Variants in PIK3CA observed in about 807,000 individuals in gnomAD.
The protein encoded by PIK3CA is phosphatidylinositol-4,5-bisphosphate 3-kinase catalytic subunit alpha.
PIK3CA carries 27 observed loss-of-function variants against 138.2 expected under a neutral mutation model. The ratio of observed to expected loss-of-function variants is 0.20; its 90% CI spans 0.14 to 0.27. The LOEUF (loss-of-function observed/expected upper bound fraction) is 0.27, where lower values mean the gene tolerates loss of function less well. Among genes scored for constraint, PIK3CA ranks in the 10% least tolerant of loss-of-function variants. The pLI is 1.00. For synonymous variants in PIK3CA, 358 were observed against 413.2 expected, an observed-to-expected ratio of 0.87 and a Z score of 1.62; for missense variants, 544 against 1,277.4, an observed-to-expected ratio of 0.43 and a Z score of 8.75.
intron 1 of PIK3CA, among the ~76,000 whole-genome samples, chr3:179,186,376 C>T (rs971655158): frequency 6.6e-6 from 1 of 152,124 alleles, no homozygotes; most frequent in South Asian, 2.1e-4. Flanking sequence ...CAGCCAAGTC[C>T]AGAATGGTGT....
At position 179,157,527 on chromosome 3, in the gene PIK3CA, C is replaced by T. The variant is rs567363927; in HGVS notation, c.-77+8924C>T. ...TTCAAAATCATTTTGAGTAAATCTA[C>T]CAGTGTATAACTGCTAAAGCACAGT... On this transcript the variant is annotated intron_variant, in intron 1 of 20. Transcript: ENST00000263967. Among the ~76,000 whole-genome samples, 6 of 152,140 alleles carry T rather than the reference C, an allele frequency of 3.9e-5. No homozygotes were observed. The East Asian group carries it at 1.2e-3, about 29-fold the overall frequency.
chr3:179,161,317 T>TA (rs1723274286), intron 1 of PIK3CA, among the ~76,000 whole-genome samples: 1 of 152,254 alleles, frequency 6.6e-6, no homozygotes, highest in Non-Finnish European at 1.5e-5. Context: ...TTAGTGTTTT[T>TA]ATAAAGTAAA....
At chr3:179,195,465 G>C (rs770345286) in intron 1 of PIK3CA, among the ~76,000 whole-genome samples, 2 of 152,066 alleles carry the variant, frequency 1.3e-5, no homozygotes, top group Non-Finnish European at 2.9e-5. Flanking sequence ...CAACAGTCCA[G>C]TGAAGTAGAT....
intron 1 of PIK3CA, among the ~76,000 whole-genome samples, chr3:179,186,580 G>A (rs1723987429): frequency 6.6e-6 from 1 of 152,186 alleles, no homozygotes; most frequent in South Asian, 2.1e-4. Flanking sequence ...GAAGTTCCAA[G>A]TCACAAAGGG....
At chr3:179,171,404 A>G (rs1349696301) in intron 1 of PIK3CA, among the ~76,000 whole-genome samples, 1 of 152,142 alleles carries the variant, frequency 6.6e-6, no homozygotes. Context: ...AAGAAAGAGT[A>G]AAGTGTACCA....
At position 179,229,293 on chromosome 3, in the gene PIK3CA, G is replaced by A. The variant is rs753399946; in HGVS notation, c.2517G>A (p.Leu839=). The A allele has an allele frequency of 9.9e-6, 16 of 1,612,158 alleles. No homozygotes were observed. In the East Asian group the frequency reaches 3.1e-4, roughly 31 times the overall value. The change falls in exon 18 of 21, where the codon CTG becomes CTA. Residue 839 remains leucine, a synonymous_variant. Transcript: ENST00000263967. ...LDLRMLPYGC[L]SIGDCVGLIE... ...TCAGAATGTTACCTTATGGTTGTCTGTCAATCGGTGACTGTGTGGGACTTA... is the reference window on the plus strand; with the variant it reads ...TCAGAATGTTACCTTATGGTTGTCTATCAATCGGTGACTGTGTGGGACTTA...
In PIK3CA at chr3:179,203,776, G is replaced by A. The variant is rs2108393321; in HGVS notation, c.1046G>A (p.Arg349Gln). The change falls in exon 5 of 21, where the codon CGA (arginine) becomes CAA (glutamine). Residue 349 changes from arginine to glutamine, a missense_variant. Physicochemically the swap from Arg to Gln is conservative, Grantham distance 43. Transcript: ENST00000263967. ...GCAACCTACGTGAATGTAAATATTCGAGACATTGATAAGGTAAAGTCAAAT... is the reference window on the plus strand; with the variant it reads ...GCAACCTACGTGAATGTAAATATTCAAGACATTGATAAGGTAAAGTCAAAT... ...LCATYVNVNIRDIDKIYVRTG... is the reference protein window; with the variant it reads ...LCATYVNVNIQDIDKIYVRTG... 1 of 1,606,184 alleles carries A rather than the reference G, an allele frequency of 6.2e-7. No homozygotes were observed. The highest frequency in any genetic ancestry group is 1.1e-5 in the South Asian group (1 of 90,452).
chr3:179,204,649 A>T, intron 6 of PIK3CA, 61 bp downstream of exon 6: 1 of 778,812 alleles, frequency 1.3e-6, no homozygotes, highest in South Asian at 1.6e-5. Flanking sequence ...AGTATGATCC[A>T]TAAAAGTAGT....
chr3:179,198,363 TTC>T lies in PIK3CA; in HGVS notation c.-76-385_-76-384del, dbSNP rs1281043426. Reference sequence around the variant, plus strand: ...TCTGAAAGATTGTTTCTGGCCTAAATTCTGTTTTTCCGTAAGATAGAAGAGAA... The same window carrying T: ...TCTGAAAGATTGTTTCTGGCCTAAATTGTTTTTCCGTAAGATAGAAGAGAA... On this transcript the variant is annotated intron_variant, in intron 1 of 20. Transcript: ENST00000263967. Among the ~76,000 whole-genome samples the T allele has an allele frequency of 2.0e-5, 3 of 152,306 alleles. No individual in the cohort carries two copies. In the South Asian group the frequency reaches 6.2e-4, roughly 32 times the overall value.
chr3:179,190,640 T>TTC (rs150361783), intron 1 of PIK3CA, among the ~76,000 whole-genome samples: 45 of 151,804 alleles, frequency 3.0e-4, no homozygotes, highest in Admixed American at 7.9e-4. Flanking sequence ...AGCTTTTTTT[T>TTC]TCTCTCTCTC....
chr3:179,228,846 T>A (rs1392850979), intron 17 of PIK3CA, among the ~76,000 whole-genome samples: 1 of 152,134 alleles, frequency 6.6e-6, no homozygotes, highest in African/African-American at 2.4e-5. Flanking sequence ...GTAATTCACA[T>A]AACTAAAAGC....
intron 14 of PIK3CA, among the ~76,000 whole-genome samples, chr3:179,222,131 A>G (rs1724983353): frequency 1.3e-5 from 2 of 149,238 alleles, no homozygotes; most frequent in African/African-American, 4.9e-5. Flanking sequence ...TAGTAAAAGG[A>G]AAAAAAAAAG....
intron 1 of PIK3CA, among the ~76,000 whole-genome samples, chr3:179,182,182 CAT>C (rs139862504): frequency 0.089 from 13,596 of 152,156 alleles, 884 homozygotes; most frequent in African/African-American, 0.17. Flanking sequence ...TGAATCATAA[CAT>C]GTGAAGCAGT....
chr3:179,159,071 ATGT>A (rs142621058), intron 1 of PIK3CA, among the ~76,000 whole-genome samples: 4,463 of 152,270 alleles, frequency 0.029, 89 homozygotes, highest in African/African-American at 0.051. Flanking sequence ...AAAACTACAT[ATGT>A]TGTTGTTAAC....
chr3:179,216,112 T>C (rs1034513305), intron 9 of PIK3CA, among the ~76,000 whole-genome samples: 4 of 152,224 alleles, frequency 2.6e-5, no homozygotes, highest in African/African-American at 9.6e-5. Context: ...ACTCTAATCA[T>C]GGTGAAGTTT....
intron 1 of PIK3CA, among the ~76,000 whole-genome samples, chr3:179,175,387 T>C (rs1488149621): frequency 3.9e-5 from 6 of 152,190 alleles, no homozygotes; most frequent in Admixed American, 3.9e-4. Flanking sequence ...TATTTATTCT[T>C]TTTTCTCTCT....
chr3:179,205,020 CAAAAAAAAAAAAAAAAAAAA>C lies in PIK3CA; in HGVS notation c.1145+449_1145+468del, dbSNP rs574908621. Among the ~76,000 whole-genome samples, 31 of 53,380 alleles carry C rather than the reference CAAAAAAAAAAAAAAAAAAAA, an allele frequency of 5.8e-4. No homozygotes were observed. In the South Asian group the frequency reaches 0.018, roughly 31 times the overall value. The allele number at this position is 53,380 out of a possible 152,430, so 35.0% of individuals were successfully genotyped here. A position where few individuals can be genotyped will look rare whatever the true frequency, so the allele number is the denominator to read the frequency against. On this transcript the variant is annotated intron_variant, in intron 6 of 20. Coordinates refer to ENST00000263967, the MANE Select transcript of PIK3CA (RefSeq NM_006218.4). ...TGGGCAACAGAGCGAGACTCCGTCTCAAAAAAAAAAAAAAAAAAAAAAAAAAAAAAAAAAAATTAGCTAGG... is the reference window on the plus strand; with the variant it reads ...TGGGCAACAGAGCGAGACTCCGTCTCAAAAAAAAAAAAAAAATTAGCTAGG...
At position 179,237,747 on chromosome 3, in the gene PIK3CA, C is replaced by G. The variant is rs868098625; in HGVS notation, c.*3383C>G. ...TTGTTTTTTCTTAATGATGTAAATC[C>G]GTTTAATTCATACTTTGATCAATAG... is the stretch of plus-strand genomic sequence containing the variant. On this transcript the variant is annotated 3_prime_UTR_variant, in exon 21 of 21. Coordinates refer to ENST00000263967, the MANE Select transcript of PIK3CA (RefSeq NM_006218.4). The G allele has an allele frequency of 5.2e-5, 11 of 210,486 alleles. No homozygotes were observed. Among genetic ancestry groups the G allele is most frequent in the Non-Finnish European group, 1.1e-4 (11 of 103,720 alleles). 13.0% of individuals were successfully genotyped at this position (210,486 alleles called of 1,614,324 possible).
chr3:179,183,021 G>A (rs780310067), intron 1 of PIK3CA, among the ~76,000 whole-genome samples: 12 of 152,184 alleles, frequency 7.9e-5, no homozygotes, highest in Non-Finnish European at 1.6e-4. Flanking sequence ...CACTTGTGCT[G>A]AAATTAAGCT....
Sources: allele counts gnomAD v4.1 joint callset (sites outside exome capture counted in the v4.1 genomes callset), GRCh38; gene constraint gnomAD v4.1.1; transcripts MANE v1.5; gene names NCBI Gene and HGNC (gene_info 2026-07-23, HGNC 2026-07-21).